Variants in MYO16 observed in about 807,000 individuals in gnomAD.
The protein encoded by MYO16 is myosin XVI.
MYO16 carries 94 observed loss-of-function variants against 205.3 expected under a neutral mutation model. The ratio of observed to expected loss-of-function variants is 0.46; its 90% CI spans 0.39 to 0.54. MYO16 has a LOEUF of 0.54. Among genes scored for constraint, MYO16 ranks in the 20% least tolerant of loss-of-function variants. The pLI is 0.00. For missense variants in MYO16, 2,315 were observed against 2,387.5 expected, an observed-to-expected ratio of 0.97 and a Z score of 0.63; for synonymous variants, 988 against 954.0, an observed-to-expected ratio of 1.04 and a Z score of -0.66.
intron 5 of MYO16, among the ~76,000 whole-genome samples, chr13:108,786,906 C>T (rs1342735314): frequency 6.6e-6 from 1 of 152,202 alleles, no homozygotes. Context: ...TTCTCCAAGT[C>T]TTGTTAGCTG....
intron 4 of MYO16, among the ~76,000 whole-genome samples, chr13:108,753,790 T>C (rs1237167325): frequency 6.6e-6 from 1 of 152,172 alleles, no homozygotes; most frequent in Non-Finnish European, 1.5e-5. Context: ...AATCAAGACC[T>C]ACATTAACTT....
At chr13:108,877,354 C>A (rs1879376362) in intron 12 of MYO16, among the ~76,000 whole-genome samples, 1 of 152,190 alleles carries the variant, frequency 6.6e-6, no homozygotes, top group African/African-American at 2.4e-5. Flanking sequence ...ATTTGGAAAT[C>A]AAGCTCTGCC....
At chr13:108,902,780 G>C (rs558490008) in intron 15 of MYO16, among the ~76,000 whole-genome samples, 12 of 152,322 alleles carry the variant, frequency 7.9e-5, no homozygotes, top group African/African-American at 2.9e-4. Flanking sequence ...CCCTACTCCA[G>C]TATGACCTTA....
At chr13:108,929,354 C>T (rs749320727) in intron 16 of MYO16, among the ~76,000 whole-genome samples, 4 of 152,092 alleles carry the variant, frequency 2.6e-5, no homozygotes, top group South Asian at 2.1e-4. Context: ...CATATTCCCA[C>T]AAGTAATGAA....
In MYO16 at chr13:108,820,372, AAACCC is replaced by A; in HGVS notation, c.905_909del (p.Asn302ThrfsTer6). 1.9e-6 allele frequency: 3 copies of A among 1,607,118 alleles called. No individual in the cohort carries two copies. The highest frequency in any genetic ancestry group is 2.6e-6 in the Non-Finnish European group (3 of 1,176,460). ...TGAAACTTCTCCTGATGCATCAGGC[AAACCC>A]ACACCTCGTGAACTGTAATGAGGAG... is the stretch of plus-strand genomic sequence containing the variant. On this transcript the variant is annotated frameshift_variant, in exon 8 of 35. Transcript: ENST00000457511. LOFTEE classifies it high-confidence loss of function.
At chr13:109,083,383 CAAAAAAAAAAAAAAAAAAA>C (rs71125367) in intron 27 of MYO16, among the ~76,000 whole-genome samples, 530 of 52,326 alleles carry the variant, frequency 0.01, 6 homozygotes, top group Non-Finnish European at 0.014. Context: ...AACTCCGTCT[CAAAAAAAAAAAAAAAAAAA>C]AAAAAAAAAA....
chr13:109,029,164 G>T (rs1886472862), intron 23 of MYO16, among the ~76,000 whole-genome samples: 1 of 132,046 alleles, frequency 7.6e-6, no homozygotes, highest in African/African-American at 2.8e-5. Context: ...GCCCAGGCTG[G>T]AGTGCAAAGA....
At chr13:108,847,324 G>C (rs1249074249) in intron 10 of MYO16, among the ~76,000 whole-genome samples, 1 of 152,094 alleles carries the variant, frequency 6.6e-6, no homozygotes, top group African/African-American at 2.4e-5. Context: ...AGCTACACAG[G>C]CTTTATGCTC....
chr13:109,107,985 C>T (rs1016450358), intron 28 of MYO16, among the ~76,000 whole-genome samples: 3 of 151,792 alleles, frequency 2.0e-5, no homozygotes, highest in South Asian at 2.1e-4. Context: ...AAGAAAAAAA[C>T]TGAGGAAGAA....
intron 4 of MYO16, among the ~76,000 whole-genome samples, chr13:108,744,674 T>A (rs1025352006): frequency 2.0e-5 from 3 of 152,336 alleles, no homozygotes; most frequent in Admixed American, 2.0e-4. Context: ...TTCATTTCAT[T>A]GTTTATCTTA....
chr13:109,152,935 C>T (rs953690816), intron 32 of MYO16, among the ~76,000 whole-genome samples: 1 of 152,152 alleles, frequency 6.6e-6, no homozygotes, highest in East Asian at 1.9e-4. Flanking sequence ...TGGTGCCAGA[C>T]ATTGCATGGA....
At chr13:109,184,160 G>A (rs1018715016) in intron 34 of MYO16, among the ~76,000 whole-genome samples, 7 of 152,046 alleles carry the variant, frequency 4.6e-5, no homozygotes, top group Non-Finnish European at 1.0e-4. Context: ...ACGTAAGTAA[G>A]ATAACCCTTT....
the MYO16 span, among the ~76,000 whole-genome samples, chr13:108,587,439 GT>G: frequency 1.3e-5 from 2 of 152,104 alleles, no homozygotes; most frequent in Non-Finnish European, 2.9e-5. Context: ...AATTGAGCTA[GT>G]TTCATCATCA....
the MYO16 span, among the ~76,000 whole-genome samples, chr13:108,499,631 A>G: frequency 4.6e-5 from 7 of 152,186 alleles, no homozygotes; most frequent in African/African-American, 1.7e-4. Flanking sequence ...ATGACAATAA[A>G]CCAGGCCATT....
At chr13:108,785,797 T>G in intron 5 of MYO16, 54 bp downstream of exon 5, 1 of 1,154,820 alleles carries the variant, frequency 8.7e-7, no homozygotes, top group Non-Finnish European at 1.3e-6. Context: ...GAATTGTAAG[T>G]GTGTATTCAT....
intron 23 of MYO16, among the ~76,000 whole-genome samples, chr13:109,025,211 T>C (rs902760418): frequency 6.6e-6 from 1 of 152,180 alleles, no homozygotes; most frequent in African/African-American, 2.4e-5. Context: ...AGGATAATTA[T>C]TACTCCTGGA....
At chr13:109,191,241 T>C (rs2139944992) in intron 34 of MYO16, among the ~76,000 whole-genome samples, 1 of 152,106 alleles carries the variant, frequency 6.6e-6, no homozygotes, top group Non-Finnish European at 1.5e-5. Flanking sequence ...AATTGAATTT[T>C]CAAAGGCTCA....
rs1200947622 is a variant in MYO16 at position 108,806,689 on chromosome 13, C to T, written c.752C>T (p.Ala251Val). Reference sequence around the variant, plus strand: ...GTCTCTTCGCTGCAGTTACACATGGCGTGTGCGAGTGGCTACAAGGAGGTG... The same window carrying T: ...GTCTCTTCGCTGCAGTTACACATGGTGTGTGCGAGTGGCTACAAGGAGGTG... ...NDEGVTLLHMACASGYKEVVS... is the reference protein window; with the variant it reads ...NDEGVTLLHMVCASGYKEVVS... Residue 251 changes from alanine (A) to valine (V), a missense_variant, in exon 7 of 35, where the codon GCG becomes GTG. This residue lies in a region of MYO16 where 1,213 missense variants were observed against 1,274.4 expected (regional missense o/e 0.95). Coordinates refer to ENST00000457511, the MANE Select transcript of MYO16 (RefSeq NM_001198950.3). 12 of 1,612,502 alleles carry T rather than the reference C, an allele frequency of 7.4e-6. No individual in the cohort carries two copies. The highest frequency in any genetic ancestry group is 2.2e-5 in the South Asian group (2 of 90,976).
chr13:108,704,439 A>G (rs1285879654), intron 2 of MYO16, among the ~76,000 whole-genome samples: 1 of 152,212 alleles, frequency 6.6e-6, no homozygotes, highest in Non-Finnish European at 1.5e-5. Flanking sequence ...AACATGGCAC[A>G]TGTATACCTA....
Sources: allele counts gnomAD v4.1 joint callset (sites outside exome capture counted in the v4.1 genomes callset), GRCh38; gene constraint gnomAD v4.1.1; regional missense constraint gnomAD v4.1.1; transcripts MANE v1.5; gene names NCBI Gene and HGNC (gene_info 2026-07-23, HGNC 2026-07-21).